CHIC1: variants seen among roughly 807,000 people sequenced by gnomAD.
CHIC1 encodes cysteine-rich hydrophobic domain-containing protein 1.
CHIC1 carries 7 observed loss-of-function variants against 18.5 expected under a neutral mutation model. That is an observed-to-expected ratio of 0.38 (90% CI 0.22 to 0.71). The LOEUF is 0.71. CHIC1 is among the 30% of genes least tolerant of loss of function. The pLI is 0.49. For missense variants in CHIC1, 159 were observed against 176.9 expected (o/e 0.90, Z 0.57); for synonymous variants, 77 against 73.5 (o/e 1.05, Z -0.25).
intron 3 of CHIC1, among the ~76,000 whole-genome samples, chrX:73,643,357 C>A (rs1032700419): frequency 1.8e-5 from 2 of 108,725 alleles, no homozygotes; most frequent in African/African-American, 6.7e-5. Context: ...TGGAGTTGCT[C>A]TTCTCGAGGA....
At chrX:73,649,260 G>A (rs932388289) in intron 3 of CHIC1, among the ~76,000 whole-genome samples, 2 of 111,719 alleles carry the variant, frequency 1.8e-5, no homozygotes, top group Non-Finnish European at 3.8e-5. Flanking sequence ...AAAATGTAAA[G>A]ACCAATGACA....
At chrX:73,671,092 C>G (rs1345651411) in intron 3 of CHIC1, among the ~76,000 whole-genome samples, 1 of 111,693 alleles carries the variant, frequency 9.0e-6, no homozygotes, top group Non-Finnish European at 1.9e-5. Context: ...CAGTTTAAGT[C>G]TCATGATGTT....
At chrX:73,576,965 G>A (rs1215724672) in intron 1 of CHIC1, among the ~76,000 whole-genome samples, 2 of 110,403 alleles carry the variant, frequency 1.8e-5, no homozygotes, top group Non-Finnish European at 3.8e-5. Context: ...ATTAGTTGTG[G>A]AGGGGTAGTT....
At chrX:73,571,859 A>G (rs2057472208) in intron 1 of CHIC1, among the ~76,000 whole-genome samples, 1 of 111,401 alleles carries the variant, frequency 9.0e-6, no homozygotes, top group Admixed American at 9.5e-5. Context: ...TGCTAAATAT[A>G]GAGAGTTTTT....
chrX:73,594,778 C>A (rs1371982037), intron 3 of CHIC1, among the ~76,000 whole-genome samples: 1 of 111,710 alleles, frequency 9.0e-6, no homozygotes, highest in Non-Finnish European at 1.9e-5. Context: ...TCTTCATACT[C>A]TGCTAACTTC....
intron 3 of CHIC1, among the ~76,000 whole-genome samples, chrX:73,609,894 T>G (rs1264441750): frequency 9.2e-6 from 1 of 108,880 alleles, no homozygotes; most frequent in East Asian, 2.8e-4. Flanking sequence ...CATTCAAACT[T>G]ATTCCTTTTA....
At chrX:73,620,106 T>TG (rs1459834024) in intron 3 of CHIC1, among the ~76,000 whole-genome samples, 1 of 112,426 alleles carries the variant, frequency 8.9e-6, no homozygotes, top group African/African-American at 3.2e-5. Flanking sequence ...AGTCTATCAC[T>TG]GATGGGCATT....
chrX:73,578,251 A>G (rs979739242), intron 2 of CHIC1, among the ~76,000 whole-genome samples: 1 of 110,867 alleles, frequency 9.0e-6, no homozygotes, highest in African/African-American at 3.2e-5. Context: ...TATTTGGAAG[A>G]TCATCTTATG....
At chrX:73,568,831 G>A (rs753318006) in intron 1 of CHIC1, among the ~76,000 whole-genome samples, 28 of 111,539 alleles carry the variant, frequency 2.5e-4, no homozygotes, top group African/African-American at 9.1e-4. Context: ...GCCAAACAGT[G>A]CATTTCTCCA....
intron 3 of CHIC1, among the ~76,000 whole-genome samples, chrX:73,611,776 AT>A (rs1245410759): frequency 9.3e-6 from 1 of 108,041 alleles, no homozygotes; most frequent in Non-Finnish European, 1.9e-5. Flanking sequence ...GCCAGTGATG[AT>A]GAGCATTTTT....
intron 3 of CHIC1, among the ~76,000 whole-genome samples, chrX:73,637,770 G>A (rs1039211229): frequency 4.5e-5 from 5 of 110,132 alleles, no homozygotes; most frequent in African/African-American, 1.6e-4. Flanking sequence ...TTTTATTTTT[G>A]TATTTATGTT....
intron 3 of CHIC1, among the ~76,000 whole-genome samples, chrX:73,619,634 C>T (rs949546581): frequency 5.4e-4 from 60 of 111,567 alleles, no homozygotes; most frequent in Admixed American, 3.1e-3. Context: ...GACAAGTTAA[C>T]AATTATATAA....
At chrX:73,597,280 A>G (rs1401107170) in intron 3 of CHIC1, among the ~76,000 whole-genome samples, 1 of 111,351 alleles carries the variant, frequency 9.0e-6, no homozygotes, top group Non-Finnish European at 1.9e-5. Context: ...GAACATTTGT[A>G]TGTCTTTTTT....
intron 2 of CHIC1, among the ~76,000 whole-genome samples, chrX:73,579,358 T>C (rs2057515677): frequency 9.0e-6 from 1 of 110,726 alleles, no homozygotes; most frequent in Non-Finnish European, 1.9e-5. Flanking sequence ...CATGTACTTA[T>C]TAGCTTCCCA....
chrX:73,647,710 A>T (rs925981274), intron 3 of CHIC1, among the ~76,000 whole-genome samples: 5 of 111,922 alleles, frequency 4.5e-5, no homozygotes, highest in African/African-American at 1.6e-4. Flanking sequence ...CAGAACTCTG[A>T]TCTCCCTGGG....
chrX:73,601,739 A>G (rs866636193), intron 3 of CHIC1, among the ~76,000 whole-genome samples: 2 of 105,545 alleles, frequency 1.9e-5, no homozygotes, highest in African/African-American at 3.7e-5. Flanking sequence ...ATAGAGACAC[A>G]AAAAACCCTT....
chrX:73,649,127 CT>C (rs1399248858), intron 3 of CHIC1, among the ~76,000 whole-genome samples: 1 of 111,773 alleles, frequency 8.9e-6, no homozygotes, highest in Non-Finnish European at 1.9e-5. Context: ...GAAATAAAAT[CT>C]TTTCCAGACA....
chrX:73,648,592 T>C (rs751425666), intron 3 of CHIC1, among the ~76,000 whole-genome samples: 21 of 111,559 alleles, frequency 1.9e-4, no homozygotes, highest in African/African-American at 6.5e-4. Flanking sequence ...AACAGCTGAA[T>C]TGACCAAGTG....
rs763090406 is a variant in CHIC1, at chrX:73,649,773, C to CAGATCA, written c.508-29551_508-29546dup. 1.6e-4 allele frequency among the ~76,000 whole-genome samples: 18 copies of CAGATCA among 111,811 alleles called. No homozygotes were observed. In the East Asian group the frequency reaches 3.9e-3, roughly 25 times the overall value. ...TTAACACCCCACTATCAATATTAGA[C>CAGATCA]AGATCAACAAGACAGAAAATTAACA... On this transcript the variant is annotated intron_variant, in intron 3 of 5. Transcript: ENST00000373502.
Sources: allele counts gnomAD v4.1 joint callset (sites outside exome capture counted in the v4.1 genomes callset), GRCh38; gene constraint gnomAD v4.1.1; transcripts MANE v1.5; gene names NCBI Gene and HGNC (gene_info 2026-07-23, HGNC 2026-07-21).